PDE4D: variants seen among roughly 807,000 people sequenced by gnomAD.
PDE4D encodes phosphodiesterase 4D, also known as 3',5'-cyclic-AMP phosphodiesterase 4D.
PDE4D carries 24 observed loss-of-function variants against 87.4 expected under a neutral mutation model. The ratio of observed to expected loss-of-function variants is 0.27; its 90% CI spans 0.20 to 0.39. The LOEUF (loss-of-function observed/expected upper bound fraction) is 0.39, where lower values mean the gene tolerates loss of function less well. Ranked by LOEUF, PDE4D falls within the 10% of genes least tolerant of loss-of-function variation. The pLI is 1.00. For missense variants in PDE4D, 714 were observed against 1,041.0 expected, an observed-to-expected ratio of 0.69 and a Z score of 4.32; for synonymous variants, 384 against 383.2, an observed-to-expected ratio of 1.00 and a Z score of -0.02.
chr5:59,891,987 C>G (rs1164321156), intron 1 of PDE4D, among the ~76,000 whole-genome samples: 4 of 152,198 alleles, frequency 2.6e-5, no homozygotes, highest in African/African-American at 4.8e-5. Flanking sequence ...ACATCGATGC[C>G]TGTCCACATC....
At chr5:59,633,313 T>C (rs1831812995) in intron 1 of PDE4D, among the ~76,000 whole-genome samples, 1 of 152,158 alleles carries the variant, frequency 6.6e-6, no homozygotes, top group African/African-American at 2.4e-5. Context: ...GAAAACACTT[T>C]TCAGGATATT....
chr5:59,347,444 T>C (rs1389747644), intron 1 of PDE4D, among the ~76,000 whole-genome samples: 1 of 151,870 alleles, frequency 6.6e-6, no homozygotes, highest in African/African-American at 2.4e-5. Flanking sequence ...ATGCAAGATT[T>C]AAAATTTGTA....
chr5:59,338,609 T>C (rs1225022161), intron 1 of PDE4D, among the ~76,000 whole-genome samples: 1 of 152,194 alleles, frequency 6.6e-6, no homozygotes, highest in East Asian at 1.9e-4. Context: ...TGTTTCTTTC[T>C]GTGAGGAAGG....
chr5:59,125,752 G>C (rs1250101249), intron 5 of PDE4D, among the ~76,000 whole-genome samples: 1 of 152,172 alleles, frequency 6.6e-6, no homozygotes, highest in Non-Finnish European at 1.5e-5. Flanking sequence ...GCGAATGACA[G>C]ACACAAGTGA....
chr5:59,314,416 G>A (rs1421803438), intron 1 of PDE4D: 9 of 152,102 alleles, frequency 5.9e-5, no homozygotes, highest in Non-Finnish European at 1.2e-4. Flanking sequence ...GCCCCATACA[G>A]AGGATTCAGT....
At chr5:60,114,024 G>A (rs1777919360) in intron 2 of PDE4D, among the ~76,000 whole-genome samples, 1 of 152,070 alleles carries the variant, frequency 6.6e-6, no homozygotes, top group African/African-American at 2.4e-5. Context: ...AGTGGAAAAT[G>A]TTTAACTAAA....
chr5:59,387,649 G>GTA (rs992172719), intron 1 of PDE4D, among the ~76,000 whole-genome samples: 4 of 151,894 alleles, frequency 2.6e-5, no homozygotes, highest in Non-Finnish European at 4.4e-5. Flanking sequence ...ATTCTAAAAG[G>GTA]TATATATATA....
intron 2 of PDE4D, among the ~76,000 whole-genome samples, chr5:60,040,775 T>G (rs1181244492): frequency 6.6e-6 from 1 of 152,288 alleles, no homozygotes; most frequent in Middle Eastern, 3.4e-3. Flanking sequence ...GTCCGATAAT[T>G]AAAAACAGAC....
At chr5:60,513,947 A>C (rs1314864266) in intron 1 of PDE4D, among the ~76,000 whole-genome samples, 1 of 150,928 alleles carries the variant, frequency 6.6e-6, no homozygotes, top group East Asian at 1.9e-4. Flanking sequence ...AGAACAGCAA[A>C]TTAAGTCCAA....
At chr5:59,216,261 T>C (rs957134431) in intron 1 of PDE4D, among the ~76,000 whole-genome samples, 5 of 152,194 alleles carry the variant, frequency 3.3e-5, no homozygotes, top group Admixed American at 6.5e-5. Flanking sequence ...ATCTTCTAAG[T>C]ACAAAATTCC....
chr5:59,386,683 G>A (rs1047171007), intron 1 of PDE4D, among the ~76,000 whole-genome samples: 2 of 88,528 alleles, frequency 2.3e-5, no homozygotes, highest in Non-Finnish European at 5.3e-5. Flanking sequence ...GCAGGGCAGC[G>A]CAGGAGGAAG....
chr5:60,177,507 G>GA (rs1784022347), intron 2 of PDE4D, among the ~76,000 whole-genome samples: 6 of 152,134 alleles, frequency 3.9e-5, no homozygotes, highest in Admixed American at 3.9e-4. Flanking sequence ...TAGAGGCAAT[G>GA]AATGTCCGAC....
Position 59,199,656 on chromosome 5 carries a change from T to A in PDE4D, c.648-6120A>T, listed in dbSNP as rs1038915661. On this transcript the variant is annotated intron_variant, in intron 2 of 14. Transcript: ENST00000340635. ...TTTTAGAATTATAGAGAAACAAGTA[T>A]GTTCTAATTTTAAAATGAATATAAA... is the stretch of plus-strand genomic sequence containing the variant. 5.3e-5 allele frequency among the ~76,000 whole-genome samples: 8 copies of A among 152,122 alleles called. No homozygotes were observed. The South Asian group carries it at 8.3e-4, about 16-fold the overall frequency.
chr5:59,227,428 A>G (rs1324061561), intron 1 of PDE4D, among the ~76,000 whole-genome samples: 1 of 152,208 alleles, frequency 6.6e-6, no homozygotes, highest in Non-Finnish European at 1.5e-5. Context: ...ACAGGAAAAA[A>G]AAACACAACT....
intron 2 of PDE4D, among the ~76,000 whole-genome samples, chr5:60,163,826 A>C (rs1006129329): frequency 6.6e-6 from 1 of 152,194 alleles, no homozygotes; most frequent in Non-Finnish European, 1.5e-5. Context: ...TTGGAAAGAA[A>C]ATATTGGCTT....
intron 1 of PDE4D, among the ~76,000 whole-genome samples, chr5:59,286,175 C>T (rs551632301): frequency 1.3e-5 from 2 of 152,274 alleles, no homozygotes; most frequent in South Asian, 4.1e-4. Context: ...GCCTGGCTGG[C>T]TCCAGAAGAG....
intron 1 of PDE4D, among the ~76,000 whole-genome samples, chr5:59,325,974 G>A (rs1166083254): frequency 6.6e-6 from 1 of 152,030 alleles, no homozygotes; most frequent in African/African-American, 2.4e-5. Context: ...GTAGGGACAT[G>A]GATGAAGCTG....
chr5:59,859,114 T>A (rs1418167453), intron 1 of PDE4D, among the ~76,000 whole-genome samples: 1 of 152,226 alleles, frequency 6.6e-6, no homozygotes, highest in Non-Finnish European at 1.5e-5. Context: ...AGTAAGTATT[T>A]GTTTTTCCAA....
chr5:59,491,429 T>G (rs1306638031), intron 1 of PDE4D, among the ~76,000 whole-genome samples: 2 of 152,330 alleles, frequency 1.3e-5, no homozygotes, highest in East Asian at 3.9e-4. Flanking sequence ...GACTTTCCAG[T>G]AAAGCAAGTT....
Sources: gnomAD v4.1 joint callset for allele counts (sites outside exome capture counted in the v4.1 genomes callset) on GRCh38, gnomAD v4.1.1 for gene constraint, MANE v1.5 for transcripts, NCBI Gene and HGNC (gene_info 2026-07-23, HGNC 2026-07-21) for gene names.